The following PSPH variants were observed in gnomAD, a reference collection of about 807,000 sequenced individuals.
PSPH encodes phosphoserine phosphatase, also known as L-3-phosphoserine phosphatase.
In PSPH, 16 loss-of-function variants were observed where a neutral mutation model predicts 23.4. The ratio of observed to expected loss-of-function variants is 0.68; its 90% confidence interval spans 0.46 to 1.04. The LOEUF is 1.04. Among genes scored for constraint, PSPH ranks in the 50% least tolerant of loss-of-function variants. The probability of loss-of-function intolerance (pLI) is 0.00; values close to 1 mark genes in which losing one functional copy is unlikely to be tolerated. For synonymous variants in PSPH, 68 were observed against 99.7 expected (o/e 0.68, Z 1.89); for missense variants, 223 against 273.7 (o/e 0.81, Z 1.31).
chr7:56,047,126 G>A (rs1793352679), intron 1 of PSPH, among the ~76,000 whole-genome samples: 1 of 151,956 alleles, frequency 6.6e-6, no homozygotes, highest in Non-Finnish European at 1.5e-5. Flanking sequence ...GCTCACGCCT[G>A]TAACCCCAGC....
chr7:56,029,050 A>G (rs1044923544), intron 3 of PSPH, among the ~76,000 whole-genome samples: 8 of 151,896 alleles, frequency 5.3e-5, no homozygotes, highest in African/African-American at 1.9e-4. Flanking sequence ...CCTGACCTCA[A>G]GTGATTCACC....
intron 1 of PSPH, among the ~76,000 whole-genome samples, chr7:56,035,456 G>A (rs531164467): frequency 3.9e-5 from 6 of 152,184 alleles, no homozygotes; most frequent in African/African-American, 1.4e-4. Context: ...CTGGAGCTGG[G>A]CATTGAGATC....
intron 7 of PSPH, among the ~76,000 whole-genome samples, chr7:56,013,665 G>A (rs1362581567): frequency 6.6e-6 from 1 of 151,598 alleles, no homozygotes; most frequent in East Asian, 2.0e-4. Flanking sequence ...CAGAAGTTCA[G>A]GGCTGTGATA....
intron 1 of PSPH, among the ~76,000 whole-genome samples, chr7:56,039,336 A>C (rs1792173430): frequency 6.6e-6 from 1 of 152,138 alleles, no homozygotes; most frequent in South Asian, 2.1e-4. Context: ...AAGAAAGGAA[A>C]TGAGATTGAG....
At chr7:56,047,211 T>G (rs1216154179) in intron 1 of PSPH, among the ~76,000 whole-genome samples, 2 of 151,510 alleles carry the variant, frequency 1.3e-5, no homozygotes, top group East Asian at 3.9e-4. Context: ...TAGCATGACC[T>G]TCTCTCTACA....
intron 3 of PSPH, among the ~76,000 whole-genome samples, chr7:56,031,017 C>T: frequency 6.6e-6 from 1 of 151,466 alleles, no homozygotes; most frequent in Non-Finnish European, 1.5e-5. Context: ...CGAGACCATC[C>T]TGGCTAACAA....
chr7:56,041,651 C>T (rs1185435769), intron 1 of PSPH, among the ~76,000 whole-genome samples: 4 of 151,878 alleles, frequency 2.6e-5, no homozygotes, highest in Non-Finnish European at 5.9e-5. Context: ...GCGCCGGGCA[C>T]GGTGGCTCAC....
chr7:56,017,502 G>A, intron 5 of PSPH, 123 bp from the exon 6 acceptor site: 2 of 1,513,184 alleles, frequency 1.3e-6, no homozygotes, highest in Non-Finnish European at 1.8e-6. Context: ...CCTGAGGTAT[G>A]TTTGACAAGG....
At chr7:56,028,874 A>G (rs35551160) in intron 3 of PSPH, among the ~76,000 whole-genome samples, 6,674 of 151,996 alleles carry the variant, frequency 0.044, 274 homozygotes, top group East Asian at 0.21. Context: ...GATGGAGTGC[A>G]GTGATGTGAT....
chr7:56,049,769 C>A lies in PSPH; in HGVS notation c.-292+1369G>T, dbSNP rs944489363. The stretch of plus-strand genomic sequence containing the variant: ...ATTATTATTATTTTTTTTGAGGAAT[C>A]TCGCTCTGTTGCCCAGGCTGGAGTG... On this transcript the variant is annotated intron_variant, in intron 1 of 7. Coordinates refer to ENST00000275605, the MANE Select transcript of PSPH (RefSeq NM_004577.4). Among the ~76,000 whole-genome samples, 8 of 149,016 alleles carry A rather than the reference C, an allele frequency of 5.4e-5. 1 individual carries two copies. The highest frequency in any genetic ancestry group is 4.2e-4 in the South Asian group (2 of 4,720).
At chr7:56,020,060 A>C (rs1789134938) in intron 4 of PSPH, among the ~76,000 whole-genome samples, 1 of 152,058 alleles carries the variant, frequency 6.6e-6, no homozygotes, top group African/African-American at 2.4e-5. Flanking sequence ...TTACTAAAAA[A>C]ATGCAAAAAT....
At chr7:56,040,697 C>A in intron 1 of PSPH, among the ~76,000 whole-genome samples, 1 of 151,758 alleles carries the variant, frequency 6.6e-6, no homozygotes, top group East Asian at 1.9e-4. Flanking sequence ...CCATATTCAA[C>A]GAAACTAGAA....
chr7:56,013,961 C>T (rs985528819), intron 7 of PSPH, among the ~76,000 whole-genome samples: 10 of 151,918 alleles, frequency 6.6e-5, no homozygotes, highest in African/African-American at 2.4e-4. Context: ...AACTCTGCCT[C>T]TACCAAAAAC....
At chr7:56,019,520 A>T in intron 5 of PSPH, 80 bp downstream of exon 5, 2 of 1,571,230 alleles carry the variant, frequency 1.3e-6, no homozygotes, top group Non-Finnish European at 1.7e-6. Context: ...GGCACTCTAA[A>T]GGAATAGTTA....
intron 2 of PSPH, chr7:56,032,984 G>T (rs1791235740): frequency 1.3e-5 from 2 of 151,084 alleles, no homozygotes; most frequent in Non-Finnish European, 2.9e-5. Flanking sequence ...AGGAGGGTAG[G>T]TATCAGGCAT....
At chr7:56,033,341 T>C (rs1200264393) in intron 2 of PSPH, 1 of 151,278 alleles carries the variant, frequency 6.6e-6, no homozygotes, top group Non-Finnish European at 1.5e-5. Flanking sequence ...CTACTAAAAA[T>C]ACAAAAATTA....
intron 1 of PSPH, among the ~76,000 whole-genome samples, chr7:56,045,689 C>A (rs1793132762): frequency 6.6e-6 from 1 of 151,800 alleles, no homozygotes; most frequent in Non-Finnish European, 1.5e-5. Context: ...ATATCGAGAC[C>A]ATCCTGGCCA....
intron 3 of PSPH, among the ~76,000 whole-genome samples, chr7:56,023,488 C>G (rs1320023860): frequency 2.0e-5 from 3 of 151,902 alleles, no homozygotes; most frequent in Admixed American, 6.6e-5. Context: ...GTCTTCAACT[C>G]CTGGACTCAA....
chr7:56,018,982 T>A (rs190149784), intron 5 of PSPH, among the ~76,000 whole-genome samples: 1 of 151,246 alleles, frequency 6.6e-6, no homozygotes, highest in East Asian at 2.0e-4. Flanking sequence ...AAAAAAAATT[T>A]TTTTTTAAAA....
Sources: gnomAD v4.1 joint callset for allele counts (sites outside exome capture counted in the v4.1 genomes callset) on GRCh38, gnomAD v4.1.1 for gene constraint, MANE v1.5 for transcripts, NCBI Gene and HGNC (gene_info 2026-07-23, HGNC 2026-07-21) for gene names.